RBL2: variants seen among roughly 807,000 people sequenced by gnomAD.
RBL2 encodes retinoblastoma-like protein 2.
RBL2 carries 56 observed loss-of-function variants against 126.0 expected under a neutral mutation model. The observed-to-expected ratio is 0.44, with a 90% CI of 0.36 to 0.56. RBL2 has a LOEUF of 0.56. RBL2 is among the 20% of genes least tolerant of loss of function. The pLI, the probability that RBL2 is intolerant of heterozygous loss-of-function variation, is 0.00. For missense variants in RBL2, 1,229 were observed against 1,398.2 expected (o/e 0.88, Z 1.93); for synonymous variants, 454 against 478.5 (o/e 0.95, Z 0.67).
Position 53,462,549 on chromosome 16 carries a change from C to A in RBL2, c.1457-3C>A. On this transcript the variant is annotated splice_region_variant and splice_polypyrimidine_tract_variant and intron_variant, in intron 10 of 21. Coordinates refer to ENST00000262133, the MANE Select transcript of RBL2 (RefSeq NM_005611.4). Reference sequence around the variant, plus strand: ...GGGGTTTTTTTTTTTATTATTTCTACAGAAATTGCCAGCAAACATTTTCGT... The same window carrying A: ...GGGGTTTTTTTTTTTATTATTTCTAAAGAAATTGCCAGCAAACATTTTCGT... 3 of 1,495,214 alleles carry A rather than the reference C, an allele frequency of 2.0e-6. No individual in the cohort carries two copies. The highest frequency in any genetic ancestry group is 2.7e-6 in the Non-Finnish European group (3 of 1,112,030). The allele number at this position is 1,495,214 out of a possible 1,614,324, so 92.6% of individuals were successfully genotyped here. A position where few individuals can be genotyped will look rare whatever the true frequency, so the allele number is the denominator to read the frequency against.
In RBL2 at chr16:53,453,717, AAAG is replaced by A; in HGVS notation, c.946_948del (p.Glu316del). Reference sequence around the variant, plus strand: ...TCTTTCATCATAGCTCCTTAAGGGAAAAGAAGAAAATCTCACTGGGTTTCTAGA... The same window carrying A: ...TCTTTCATCATAGCTCCTTAAGGGAAAAGAAAATCTCACTGGGTTTCTAGA... On this transcript the variant is annotated inframe_deletion, in exon 7 of 22. Coordinates refer to ENST00000262133, the MANE Select transcript of RBL2 (RefSeq NM_005611.4). 4 of 1,611,406 alleles carry A rather than the reference AAAG, an allele frequency of 2.5e-6. No homozygotes were observed. The highest frequency in any genetic ancestry group is 1.3e-5 in the African/African-American group (1 of 74,888).
chr16:53,465,011 T>G (rs1159934509), intron 12 of RBL2: 1 of 153,080 alleles, frequency 6.5e-6, no homozygotes, highest in Non-Finnish European at 1.5e-5. Context: ...GCCAGGATGG[T>G]CTCGATCTCC....
intron 16 of RBL2, 39 bp from the exon 17 acceptor site, chr16:53,470,707 C>T (rs762381900): frequency 4.3e-6 from 7 of 1,612,004 alleles, no homozygotes; most frequent in Admixed American, 1.7e-5. Flanking sequence ...TTGGGAAATA[C>T]AAGTGTTAAA....
chr16:53,479,102 C>CTAA (rs780893045), intron 17 of RBL2, 52 bp from the exon 18 acceptor site: 8 of 1,428,784 alleles, frequency 5.6e-6, no homozygotes, highest in Non-Finnish European at 6.9e-6. Context: ...GCTCCTCACA[C>CTAA]TATTATGGTG....
Position 53,442,824 on chromosome 16 carries a change from G to T in RBL2, c.538G>T (p.Glu180Ter). The T allele has an allele frequency of 6.2e-7, 1 of 1,612,960 alleles. No homozygotes were observed. Among genetic ancestry groups the T allele is most frequent in the South Asian group, 1.1e-5 (1 of 90,786 alleles). ...FQDIFKYPQEEQPRQQRGRKQ... is the reference protein window; with the variant it reads ...FQDIFKYPQE ...GGACATCTTTAAATACCCTCAAGAGGAGCAACCTCGTCAGCAGCGAGGAAG... is the reference window on the plus strand; with the variant it reads ...GGACATCTTTAAATACCCTCAAGAGTAGCAACCTCGTCAGCAGCGAGGAAG... The change falls in exon 3 of 22, where the codon GAG becomes TAG. Residue 180 changes from glutamate to a stop codon, truncating the protein, a stop_gained. Coordinates refer to ENST00000262133, the MANE Select transcript of RBL2 (RefSeq NM_005611.4). LOFTEE classifies it high-confidence loss of function.
intron 20 of RBL2, 114 bp from the exon 21 acceptor site, chr16:53,481,557 C>G (rs1012420209): frequency 2.1e-6 from 2 of 958,406 alleles, no homozygotes; most frequent in African/African-American, 3.3e-5. Context: ...TAATACATCA[C>G]TCTGTCATTC....
At chr16:53,455,799 T>C (rs1350645850) in intron 8 of RBL2, among the ~76,000 whole-genome samples, 2 of 151,874 alleles carry the variant, frequency 1.3e-5, no homozygotes, top group East Asian at 3.9e-4. Flanking sequence ...AGCCGTGAGG[T>C]TGGAACAGGA....
At chr16:53,464,557 C>A in intron 12 of RBL2, 194 bp downstream of exon 12, 2 of 449,270 alleles carry the variant, frequency 4.5e-6, no homozygotes, top group Non-Finnish European at 3.7e-6. Context: ...TATGAAAGAT[C>A]TATTTTGGGT....
intron 21 of RBL2, among the ~76,000 whole-genome samples, chr16:53,487,384 C>CT (rs1158252124): frequency 3.3e-5 from 5 of 152,126 alleles, no homozygotes; most frequent in Non-Finnish European, 7.4e-5. Flanking sequence ...CTGAAATAGA[C>CT]AACACATGTA....
At chr16:53,476,884 T>C (rs758290203) in intron 17 of RBL2, among the ~76,000 whole-genome samples, 13 of 152,266 alleles carry the variant, frequency 8.5e-5, no homozygotes, top group Admixed American at 2.0e-4. Flanking sequence ...ATGTCTCCTG[T>C]AGATAAAATA....
chr16:53,465,744 G>A (rs926610560), intron 13 of RBL2, 142 bp downstream of exon 13: 5 of 604,088 alleles, frequency 8.3e-6, no homozygotes, highest in African/African-American at 5.8e-5. Context: ...GGACTGTAAC[G>A]TCCCTCTCTA....
At position 53,491,566 on chromosome 16, in the gene RBL2, ATATT is replaced by A. The variant is rs1305374292; in HGVS notation, c.*1270_*1273del. On this transcript the variant is annotated 3_prime_UTR_variant, in exon 22 of 22. Coordinates refer to ENST00000262133, the MANE Select transcript of RBL2 (RefSeq NM_005611.4). ...TCAATTAGAATAGTGTTCTGCAAAAATATTTATAAAACTTCTCAAGATACTGCTA... is the reference window on the plus strand; with the variant it reads ...TCAATTAGAATAGTGTTCTGCAAAAATATAAAACTTCTCAAGATACTGCTA... The A allele has an allele frequency of 3.9e-5, 6 of 152,608 alleles. No homozygotes were observed. The highest frequency in any genetic ancestry group is 3.3e-4 in the Admixed American group (5 of 15,284). The allele number at this position is 152,608 out of a possible 1,614,324, so 9.5% of individuals were successfully genotyped here.
chr16:53,490,406 C>CTGTT lies in RBL2; in HGVS notation c.*107_*110dup. On this transcript the variant is annotated 3_prime_UTR_variant, in exon 22 of 22. Coordinates refer to ENST00000262133, the MANE Select transcript of RBL2 (RefSeq NM_005611.4). ...CTTAATCCAGCTGATGAGTTACAGC[C>CTGTT]TGTTAGTAACATGAGGGGACATTTT... 1.0e-6 allele frequency: 1 copy of CTGTT among 992,308 alleles called. No individual in the cohort carries two copies. The highest frequency in any genetic ancestry group is 1.4e-6 in the Non-Finnish European group (1 of 702,462). 61.5% of individuals were successfully genotyped at this position (992,308 alleles called of 1,614,324 possible).
intron 21 of RBL2, chr16:53,488,153 A>T (rs1467336829): frequency 1.3e-5 from 2 of 152,236 alleles, no homozygotes; most frequent in Non-Finnish European, 2.9e-5. Context: ...GAAACAACCC[A>T]AACGTCCTTC....
chr16:53,476,819 T>C (rs55891028), intron 17 of RBL2, among the ~76,000 whole-genome samples: 25,102 of 152,246 alleles, frequency 0.16, 2,087 homozygotes, highest in South Asian at 0.27. Flanking sequence ...TTGCTGTCTG[T>C]ATACCTCTTT....
intron 17 of RBL2, among the ~76,000 whole-genome samples, chr16:53,474,690 ATATT>A: frequency 6.6e-6 from 1 of 152,296 alleles, no homozygotes; most frequent in East Asian, 1.9e-4. Flanking sequence ...GTTAAAAAAA[ATATT>A]TATTTTTTCA....
At chr16:53,437,043 A>AT (rs762556058) in intron 1 of RBL2, among the ~76,000 whole-genome samples, 99 of 147,908 alleles carry the variant, frequency 6.7e-4, no homozygotes, top group Non-Finnish European at 1.1e-3. Context: ...TAAACTTTCT[A>AT]TTTTTTTTCT....
chr16:53,449,641 CTTTTA>C lies in RBL2; in HGVS notation c.638-2060_638-2056del, dbSNP rs369723353. The C allele has an allele frequency of 3.1e-4, 46 of 148,500 alleles. 1 individual carries two copies. In the East Asian group the frequency reaches 4.8e-3, roughly 15 times the overall value. The allele number at this position is 148,500 out of a possible 1,614,324, so 9.2% of individuals were successfully genotyped here. A position where few individuals can be genotyped will look rare whatever the true frequency, so the allele number is the denominator to read the frequency against. On this transcript the variant is annotated intron_variant, in intron 4 of 21. Coordinates refer to ENST00000262133, the MANE Select transcript of RBL2 (RefSeq NM_005611.4). ...TCCTCTCACAGTCCACCACTGTGATCTTTTATAATACACGATGATCTTTTCTAATA... is the reference window on the plus strand; with the variant it reads ...TCCTCTCACAGTCCACCACTGTGATCTAATACACGATGATCTTTTCTAATA...
At chr16:53,473,345 G>A (rs1247436569) in intron 17 of RBL2, among the ~76,000 whole-genome samples, 1 of 148,010 alleles carries the variant, frequency 6.8e-6, no homozygotes, top group Non-Finnish European at 1.5e-5. Context: ...CATTTATTTA[G>A]ATCTTCTGTT....
Sources: gnomAD v4.1 joint callset for allele counts (sites outside exome capture counted in the v4.1 genomes callset) on GRCh38, gnomAD v4.1.1 for gene constraint, MANE v1.5 for transcripts, NCBI Gene and HGNC (gene_info 2026-07-23, HGNC 2026-07-21) for gene names.